KANK4: variants seen among roughly 807,000 people sequenced by gnomAD.
The protein encoded by KANK4 is KN motif and ankyrin repeat domains 4, also known as KN motif and ankyrin repeat domain-containing protein 4.
KANK4 carries 50 observed loss-of-function variants against 80.8 expected under a neutral mutation model. The ratio of observed to expected loss-of-function variants is 0.62; its 90% CI spans 0.49 to 0.78. KANK4 has a LOEUF of 0.78. KANK4 is among the 30% of genes least tolerant of loss of function. The pLI is 0.00. For synonymous variants in KANK4, 465 were observed against 506.9 expected (o/e 0.92, Z 1.11); for missense variants, 1,196 against 1,240.1 (o/e 0.96, Z 0.53).
intron 7 of KANK4, among the ~76,000 whole-genome samples, chr1:62,259,472 T>C (rs1403441223): frequency 1.3e-5 from 2 of 152,040 alleles, no homozygotes; most frequent in Non-Finnish European, 2.9e-5. Flanking sequence ...AGATGGGGTT[T>C]CACCATGTTG....
intron 1 of KANK4, among the ~76,000 whole-genome samples, chr1:62,292,774 C>CTGCT (rs1334293927): frequency 6.6e-6 from 1 of 152,194 alleles, no homozygotes; most frequent in Non-Finnish European, 1.5e-5. Flanking sequence ...ATTTGTCAGC[C>CTGCT]TGCTGGACAG....
At chr1:62,262,666 G>A (rs1397409531) in intron 7 of KANK4, among the ~76,000 whole-genome samples, 3 of 151,978 alleles carry the variant, frequency 2.0e-5, no homozygotes, top group Non-Finnish European at 2.9e-5. Flanking sequence ...TACATTCCAC[G>A]GAATACTACT....
chr1:62,281,798 C>A (rs1672457322), intron 1 of KANK4, among the ~76,000 whole-genome samples, 164 bp from the exon 2 acceptor site: 1 of 152,176 alleles, frequency 6.6e-6, no homozygotes, highest in South Asian at 2.1e-4. Context: ...GTACACATTT[C>A]TAGAGCCCAA....
At chr1:62,312,980 C>G (rs989526298) in intron 1 of KANK4, among the ~76,000 whole-genome samples, 8 of 152,184 alleles carry the variant, frequency 5.3e-5, no homozygotes, top group East Asian at 1.9e-4. Flanking sequence ...TGGTTCCCCC[C>G]CAAACCCCTG....
chr1:62,283,518 G>A (rs937671595), intron 1 of KANK4, among the ~76,000 whole-genome samples: 85 of 152,180 alleles, frequency 5.6e-4, no homozygotes, highest in Non-Finnish European at 3.4e-4. Context: ...CACCCTGTAA[G>A]TCAGCCGGGT....
At chr1:62,303,896 C>T (rs1396389990) in intron 1 of KANK4, among the ~76,000 whole-genome samples, 1 of 150,944 alleles carries the variant, frequency 6.6e-6, no homozygotes, top group African/African-American at 2.4e-5. Flanking sequence ...TTTTTTGAGA[C>T]AGGCTCTCAT....
chr1:62,254,804 G>C (rs1671711545), intron 7 of KANK4, among the ~76,000 whole-genome samples: 1 of 150,000 alleles, frequency 6.7e-6, no homozygotes, highest in African/African-American at 2.5e-5. Context: ...CTGACCTCAA[G>C]CAATCTGCCC....
chr1:62,306,257 T>A (rs1421970108), intron 1 of KANK4, among the ~76,000 whole-genome samples: 2 of 152,194 alleles, frequency 1.3e-5, no homozygotes, highest in African/African-American at 4.8e-5. Flanking sequence ...CTGAAAGCAT[T>A]GGGATTACAG....
intron 9 of KANK4, among the ~76,000 whole-genome samples, chr1:62,239,250 G>GTA (rs1023310297): frequency 8.6e-5 from 13 of 152,008 alleles, no homozygotes; most frequent in Non-Finnish European, 1.8e-4. Flanking sequence ...GAATTATATT[G>GTA]TATACCAACT....
intron 7 of KANK4, among the ~76,000 whole-genome samples, chr1:62,259,283 C>CT (rs375101709): frequency 3.5e-4 from 52 of 147,470 alleles, no homozygotes; most frequent in East Asian, 7.9e-4. Flanking sequence ...TTCTTTCTTT[C>CT]TTTTTTTTTT....
At position 62,274,389 on chromosome 1, in the gene KANK4, C is replaced by T. The variant is rs139577314; in HGVS notation, c.715G>A (p.Val239Met). 3 of 1,614,164 alleles carry T rather than the reference C, an allele frequency of 1.9e-6. No homozygotes were observed. The highest frequency in any genetic ancestry group is 2.5e-6 in the Non-Finnish European group (3 of 1,180,014). The change falls in exon 3 of 10, where the codon GTG becomes ATG. Residue 239 changes from valine (V) to methionine (M), a missense_variant. Transcript: ENST00000371153. ...QEGAEPPEGVVKVPNHLPLPG... is the reference protein window; with the variant it reads ...QEGAEPPEGVMKVPNHLPLPG... ...AGAGGGAGGTGATTTGGAACCTTCA[C>T]CACACCCTCTGGAGGCTCAGCTCCC... is the stretch of plus-strand genomic sequence containing the variant.
intron 9 of KANK4, among the ~76,000 whole-genome samples, chr1:62,243,590 C>T (rs1355501967): frequency 4.6e-5 from 7 of 152,140 alleles, no homozygotes; most frequent in East Asian, 1.9e-4. Context: ...CCACCCGCCT[C>T]GGCCTCCCAA....
intron 1 of KANK4, among the ~76,000 whole-genome samples, chr1:62,289,905 G>A (rs1389871658): frequency 6.6e-6 from 1 of 152,104 alleles, no homozygotes; most frequent in Non-Finnish European, 1.5e-5. Flanking sequence ...GCCAATGACT[G>A]ACTGTATAAT....
chr1:62,287,385 C>A (rs1672593288), intron 1 of KANK4, among the ~76,000 whole-genome samples: 1 of 152,158 alleles, frequency 6.6e-6, no homozygotes, highest in Admixed American at 6.5e-5. Flanking sequence ...TAAGACACAT[C>A]ACATGTAGCC....
At chr1:62,269,221 G>A (rs1362146583) in intron 4 of KANK4, among the ~76,000 whole-genome samples, 1 of 152,222 alleles carries the variant, frequency 6.6e-6, no homozygotes, top group Non-Finnish European at 1.5e-5. Context: ...GCAGACCAGA[G>A]GCCATGGAGG....
At chr1:62,302,318 G>T (rs1190235156) in intron 1 of KANK4, among the ~76,000 whole-genome samples, 1 of 152,056 alleles carries the variant, frequency 6.6e-6, no homozygotes, top group Non-Finnish European at 1.5e-5. Context: ...ACTTCTAGAT[G>T]CAAGAAAGAG....
intron 7 of KANK4, among the ~76,000 whole-genome samples, chr1:62,256,498 G>T (rs1483431009): frequency 6.6e-6 from 1 of 151,102 alleles, no homozygotes; most frequent in African/African-American, 2.4e-5. Context: ...CAATTTTCCT[G>T]CCTCAGCCTG....
chr1:62,313,871 A>AT (rs1644517911), intron 1 of KANK4, among the ~76,000 whole-genome samples: 1 of 142,690 alleles, frequency 7.0e-6, no homozygotes, highest in African/African-American at 2.7e-5. Flanking sequence ...TAAAATAATA[A>AT]ATTTTTTTTT....
At position 62,236,383 on chromosome 1, in the gene KANK4, T is replaced by C. The variant is rs996114209; in HGVS notation, c.*1894A>G. On this transcript the variant is annotated 3_prime_UTR_variant, in exon 10 of 10. Coordinates refer to ENST00000371153, the MANE Select transcript of KANK4 (RefSeq NM_181712.5). ...CACCGGGCTAGAACATTTATTAACG[T>C]AGGATGTTGCTCTTACAATGTATTT... Among the ~76,000 whole-genome samples, 5 of 152,110 alleles carry C rather than the reference T, an allele frequency of 3.3e-5. No homozygotes were observed. Among genetic ancestry groups the C allele is most frequent in the African/African-American group, 4.8e-5 (2 of 41,410 alleles).
Sources: allele counts gnomAD v4.1 joint callset (sites outside exome capture counted in the v4.1 genomes callset), GRCh38; gene constraint gnomAD v4.1.1; transcripts MANE v1.5; gene names NCBI Gene and HGNC (gene_info 2026-07-23, HGNC 2026-07-21).